Variants in FAAP20 observed in about 807,000 individuals in gnomAD.
FAAP20 encodes the protein Fanconi anemia core complex-associated protein 20.
FAAP20 carries 12 observed loss-of-function variants against 16.2 expected under a neutral mutation model. The observed-to-expected ratio is 0.74, with a 90% CI of 0.48 to 1.20. FAAP20 has a LOEUF of 1.20. Ranked by LOEUF, FAAP20 falls within the 50% of genes most tolerant of loss-of-function variation. FAAP20 has a pLI of 0.00. For missense variants in FAAP20, 288 were observed against 245.8 expected (o/e 1.17, Z -1.15); for synonymous variants, 141 against 110.7 (o/e 1.27, Z -1.72).
At chr1:2,189,058 G>A (rs1157075656), downstream of FAAP20, among the ~76,000 whole-genome samples, 4 of 149,832 alleles carry the variant, frequency 2.7e-5, no homozygotes, top group Admixed American at 2.0e-4. Context: ...GGCTGGGGCT[G>A]CTGGCTCACG....
At position 2,189,678 on chromosome 1, in the gene FAAP20, C is replaced by T. The variant is rs371506030; in HGVS notation, c.*31G>A. ...TGGCGGGGGAGAGCGTGTCCGGGCGCCGCACTCTGCGCAGGGCTCTTGGAT... is the reference window on the plus strand; with the variant it reads ...TGGCGGGGGAGAGCGTGTCCGGGCGTCGCACTCTGCGCAGGGCTCTTGGAT... On this transcript the variant is annotated 3_prime_UTR_variant, in exon 4 of 4. Coordinates refer to ENST00000378546, the MANE Select transcript of FAAP20 (RefSeq NM_182533.4). The T allele has an allele frequency of 1.1e-5, 17 of 1,595,408 alleles. No homozygotes were observed. Among genetic ancestry groups the T allele is most frequent in the South Asian group, 5.5e-5 (5 of 90,728 alleles).
upstream of FAAP20, chr1:2,199,134 G>A: frequency 8.4e-7 from 1 of 1,184,278 alleles, no homozygotes. The surrounding 1 kb of genome is among the most constrained non-coding windows in gnomAD (Gnocchi z 4.5). Context: ...TGGCCCGGGA[G>A]AGACAGCGGT....
At chr1:2,184,477 T>A, downstream of FAAP20, 2 of 779,224 alleles carry the variant, frequency 2.6e-6, no homozygotes, top group Middle Eastern at 4.8e-4. Flanking sequence ...ATTGAAATGC[T>A]GACTTTCTCA....
chr1:2,189,754 G>C lies in FAAP20; in HGVS notation c.498C>G (p.His166Gln). The C allele has an allele frequency of 6.2e-7, 1 of 1,612,588 alleles. No individual in the cohort carries two copies. The highest frequency in any genetic ancestry group is 8.5e-7 in the Non-Finnish European group (1 of 1,179,588). Residue 166 changes from histidine (H) to glutamine (Q), a missense_variant, in exon 4 of 4, where the codon CAC becomes CAG. Transcript: ENST00000378546. ...PRLTQLDVDS[H>Q]LAQCLAESTE... is the part of the protein sequence containing the mutation. ...TGCTTTCGGCCAAGCACTGGGCCAGGTGGCTGTCAACATCCAGCTGGGTCA... is the reference window on the plus strand; with the variant it reads ...TGCTTTCGGCCAAGCACTGGGCCAGCTGGCTGTCAACATCCAGCTGGGTCA...
At chr1:2,205,608 T>G (rs954201873) in intron 3 of FAAP20, among the ~76,000 whole-genome samples, 1 of 151,960 alleles carries the variant, frequency 6.6e-6, no homozygotes, top group Non-Finnish European at 1.5e-5. Flanking sequence ...TGAAACGAGT[T>G]TCCAGCGTCG....
chr1:2,203,769 C>A, upstream of FAAP20: 1 of 442,568 alleles, frequency 2.3e-6, no homozygotes, highest in Non-Finnish European at 3.0e-6. Flanking sequence ...CTCCAGGGAC[C>A]AGCCTGTTCA....
rs1434852042 is a variant in FAAP20, at chr1:2,193,421, A to AGCCT, written c.470+214_470+217dup. ...CTTCTGTGCTGTTCTGTGGGCCCCC[A>AGCCT]GCCTGCCCTGCCCACAGAGCACGGC... On this transcript the variant is annotated intron_variant, in intron 3 of 3. Coordinates refer to ENST00000378546, the MANE Select transcript of FAAP20 (RefSeq NM_182533.4). 5 of 702,876 alleles carry AGCCT rather than the reference A, an allele frequency of 7.1e-6. No individual in the cohort carries two copies. The Admixed American group carries it at 1.8e-4, about 25-fold the overall frequency. The allele number at this position is 702,876 out of a possible 1,614,324, so 43.5% of individuals were successfully genotyped here. A position where few individuals can be genotyped will look rare whatever the true frequency, so the allele number is the denominator to read the frequency against.
upstream of FAAP20, chr1:2,201,133 A>C (rs1353030151): frequency 2.3e-6 from 3 of 1,282,072 alleles, no homozygotes; most frequent in Non-Finnish European, 2.0e-6. Context: ...GTGGGCTCCA[A>C]CCCTGCTTGG....
upstream of FAAP20, chr1:2,198,612 G>A: frequency 8.7e-7 from 1 of 1,150,650 alleles, no homozygotes. Flanking sequence ...CAGCCCGGTG[G>A]CCGTGCACCC....
downstream of FAAP20, chr1:2,185,890 C>T (rs1242040035): frequency 2.8e-6 from 1 of 358,492 alleles, no homozygotes; most frequent in Non-Finnish European, 5.4e-6. Flanking sequence ...GTGACGGACC[C>T]CAGCCTTAAA....
chr1:2,211,272 C>T (rs1689427725), downstream of FAAP20, among the ~76,000 whole-genome samples: 2 of 131,038 alleles, frequency 1.5e-5, no homozygotes, highest in African/African-American at 3.0e-5. Flanking sequence ...TCTTGTTGCC[C>T]TGGTTGGAGT....
At chr1:2,210,416 GCCCTGCCTGCCGCCTCCCCCACCCCAGA>G (rs992180700), downstream of FAAP20, among the ~76,000 whole-genome samples, 1 of 152,126 alleles carries the variant, frequency 6.6e-6, no homozygotes, top group Non-Finnish European at 1.5e-5. Context: ...GGCGCCCACA[GCCCTGCCTGCCGCCTCCCCCACCCCAGA>G]CCCTGCCCTC....
At chr1:2,203,730 C>T, upstream of FAAP20, 1 of 781,988 alleles carries the variant, frequency 1.3e-6, no homozygotes, top group Non-Finnish European at 1.6e-6. Context: ...GGAGCCTGGC[C>T]TCAGGCCTCA....
At chr1:2,191,412 G>C (rs543944537) in intron 3 of FAAP20, 2 of 152,582 alleles carry the variant, frequency 1.3e-5, no homozygotes, top group African/African-American at 4.8e-5. Context: ...GCTGCAGGGT[G>C]GGCTGGCACC....
intron 3 of FAAP20, chr1:2,190,635 C>G (rs1158749187): frequency 1.4e-5 from 5 of 347,232 alleles, no homozygotes; most frequent in Non-Finnish European, 2.9e-5. Flanking sequence ...GCAGAGCTGC[C>G]GGGGACGATG....
chr1:2,188,868 G>A (rs929072063), downstream of FAAP20, among the ~76,000 whole-genome samples: 10 of 152,162 alleles, frequency 6.6e-5, no homozygotes, highest in African/African-American at 1.9e-4. Context: ...AGCCGGGCGT[G>A]GTGGCGGGCG....
chr1:2,194,024 G>A lies in FAAP20; in HGVS notation c.172C>T (p.Pro58Ser), dbSNP rs568811969. 2.7e-5 allele frequency: 43 copies of A among 1,612,628 alleles called. No individual in the cohort carries two copies. Among genetic ancestry groups the A allele is most frequent in the Non-Finnish European group, 2.2e-5 (26 of 1,179,980 alleles). The change falls in exon 2 of 4, where the codon CCT becomes TCT. Residue 58 changes from proline (P) to serine (S), a missense_variant. By Grantham distance (74) the Pro-to-Ser change is moderately conservative. Coordinates refer to ENST00000378546, the MANE Select transcript of FAAP20 (RefSeq NM_182533.4). ...TGTCCTGGGAAGGCGGGCAGTGAAG[G>A]CACCTCGTGATCCAGGATCAGCTCC... Reference protein sequence around the residue: ...SPELILDHEVPSLPAFPGQEP... With the variant: ...SPELILDHEVSSLPAFPGQEP...
At chr1:2,206,068 A>T (rs886661785) in intron 3 of FAAP20, among the ~76,000 whole-genome samples, 1 of 152,220 alleles carries the variant, frequency 6.6e-6, no homozygotes, top group Non-Finnish European at 1.5e-5. Flanking sequence ...TTACGTTCGC[A>T]TGGCCACTCT....
At chr1:2,210,357 G>A (rs1456776022), downstream of FAAP20, among the ~76,000 whole-genome samples, 1 of 152,212 alleles carries the variant, frequency 6.6e-6, no homozygotes, top group Non-Finnish European at 1.5e-5. Context: ...CGGGACAGGG[G>A]GTGGCTGTGA....
Sources: gnomAD v4.1 joint callset for allele counts (sites outside exome capture counted in the v4.1 genomes callset) on GRCh38, gnomAD v4.1.1 for gene constraint, Gnocchi (gnomAD v3.1) non-coding constraint, MANE v1.5 for transcripts, NCBI Gene and HGNC (gene_info 2026-07-23, HGNC 2026-07-21) for gene names.